ARHGAP10: variants seen among roughly 807,000 people sequenced by gnomAD.
ARHGAP10 encodes the protein Rho GTPase activating protein 10, also known as rho GTPase-activating protein 10.
Under a neutral mutation model 108.6 loss-of-function variants are expected in ARHGAP10, and 87 were observed. That is an observed-to-expected ratio of 0.80 (90% CI 0.67 to 0.96). ARHGAP10 has a LOEUF of 0.96. Among genes scored for constraint, ARHGAP10 ranks in the 40% least tolerant of loss-of-function variants. ARHGAP10 has a pLI of 0.00. For missense variants in ARHGAP10, 939 were observed against 954.5 expected, an observed-to-expected ratio of 0.98 and a Z score of 0.21; for synonymous variants, 347 against 341.1, an observed-to-expected ratio of 1.02 and a Z score of -0.19.
intron 3 of ARHGAP10, among the ~76,000 whole-genome samples, chr4:147,842,036 G>A (rs1733435658): frequency 1.3e-5 from 2 of 152,080 alleles, no homozygotes; most frequent in South Asian, 2.1e-4. Flanking sequence ...GGGTTTGAGC[G>A]ATTCTTCCTG....
intron 1 of ARHGAP10, among the ~76,000 whole-genome samples, chr4:147,805,562 A>G (rs1224496411): frequency 6.6e-6 from 1 of 152,212 alleles, no homozygotes; most frequent in Non-Finnish European, 1.5e-5. Flanking sequence ...GCTTTGGGCA[A>G]TATGGCCATT....
In ARHGAP10 at chr4:147,912,574, T is replaced by G. The variant is rs1213910069; in HGVS notation, c.1163-500T>G. 2.9e-3 allele frequency among the ~76,000 whole-genome samples: 382 copies of G among 130,090 alleles called. 5 individuals carry two copies. The highest frequency in any genetic ancestry group is 6.7e-3 in the East Asian group (30 of 4,476). The allele number at this position is 130,090 out of a possible 152,430, so 85.3% of individuals were successfully genotyped here. ...ATATATATATATATATATATATATA[T>G]ATATATATATATATATATATATATA... On this transcript the variant is annotated intron_variant, in intron 12 of 22. Transcript: ENST00000336498.
chr4:147,877,504 G>A (rs1418717953), intron 8 of ARHGAP10, among the ~76,000 whole-genome samples: 1 of 152,082 alleles, frequency 6.6e-6, no homozygotes, highest in Non-Finnish European at 1.5e-5. Context: ...TGATTTTTAG[G>A]TGTAGAAACT....
At chr4:147,836,344 T>A (rs1185623246) in intron 3 of ARHGAP10, among the ~76,000 whole-genome samples, 1 of 152,204 alleles carries the variant, frequency 6.6e-6, no homozygotes, top group Non-Finnish European at 1.5e-5. Flanking sequence ...TTAATAGGAC[T>A]AGGTTTCAAG....
intron 1 of ARHGAP10, among the ~76,000 whole-genome samples, chr4:147,793,319 TA>T (rs200341059): frequency 0.054 from 2,463 of 45,456 alleles, 21 homozygotes; most frequent in Non-Finnish European, 0.11. Flanking sequence ...TATATATATA[TA>T]TTTTTTTTTT....
chr4:147,880,305 A>G (rs1051776293), intron 9 of ARHGAP10, among the ~76,000 whole-genome samples: 2 of 152,182 alleles, frequency 1.3e-5, no homozygotes, highest in African/African-American at 2.4e-5. Flanking sequence ...GTTCACTTCT[A>G]TTTACTTGTA....
chr4:147,985,131 G>A (rs1416168818), intron 18 of ARHGAP10, among the ~76,000 whole-genome samples: 2 of 152,200 alleles, frequency 1.3e-5, no homozygotes, highest in Non-Finnish European at 2.9e-5. Context: ...TGGGTATGGA[G>A]CAGAGAGGGC....
chr4:147,895,362 A>AT (rs1211785037), intron 10 of ARHGAP10, among the ~76,000 whole-genome samples: 1 of 151,942 alleles, frequency 6.6e-6, no homozygotes, highest in African/African-American at 2.4e-5. Flanking sequence ...GTACACAGTG[A>AT]TTTTATATGT....
At chr4:147,753,770 T>C (rs1376630936) in intron 1 of ARHGAP10, among the ~76,000 whole-genome samples, 2 of 152,220 alleles carry the variant, frequency 1.3e-5, no homozygotes, top group African/African-American at 4.8e-5. Context: ...ACTATTTTCA[T>C]GATGCTCACG....
At chr4:147,771,612 T>C (rs548509976) in intron 1 of ARHGAP10, among the ~76,000 whole-genome samples, 13 of 152,328 alleles carry the variant, frequency 8.5e-5, no homozygotes, top group Admixed American at 5.9e-4. Flanking sequence ...TATATGCATG[T>C]GAGCTTAGTG....
chr4:147,774,887 C>T (rs1215417711), intron 1 of ARHGAP10, among the ~76,000 whole-genome samples: 2 of 151,668 alleles, frequency 1.3e-5, no homozygotes, highest in African/African-American at 4.9e-5. Context: ...TCCTTTGCCA[C>T]AGCCCTTTCC....
chr4:147,876,075 G>C (rs1487747760), intron 8 of ARHGAP10, among the ~76,000 whole-genome samples: 1 of 152,194 alleles, frequency 6.6e-6, no homozygotes, highest in Non-Finnish European at 1.5e-5. Context: ...TGGTAGACAT[G>C]ACTCAGGGAA....
At chr4:147,744,527 A>C (rs959240330) in intron 1 of ARHGAP10, among the ~76,000 whole-genome samples, 1 of 152,048 alleles carries the variant, frequency 6.6e-6, no homozygotes, top group East Asian at 1.9e-4. Flanking sequence ...CAGTTGTGCA[A>C]ATGAATCGGA....
At chr4:147,834,067 T>C (rs1021104256) in intron 3 of ARHGAP10, among the ~76,000 whole-genome samples, 2 of 152,224 alleles carry the variant, frequency 1.3e-5, no homozygotes, top group African/African-American at 4.8e-5. Flanking sequence ...AAGGAATTTG[T>C]TTCTTACAGT....
chr4:148,013,328 C>T lies in ARHGAP10; in HGVS notation c.1717-9935C>T, dbSNP rs564484736. ...GATTCTGATAAATACATATACCTGC[C>T]TTCAGGGGATGTGTTCTTCATTGTG... On this transcript the variant is annotated intron_variant, in intron 18 of 22. Coordinates refer to ENST00000336498, the MANE Select transcript of ARHGAP10 (RefSeq NM_024605.4). Among the ~76,000 whole-genome samples the T allele has an allele frequency of 1.4e-4, 22 of 152,272 alleles. No individual in the cohort carries two copies. In the South Asian group the frequency reaches 3.5e-3, roughly 24 times the overall value.
chr4:147,816,779 C>T (rs917517325), intron 1 of ARHGAP10, among the ~76,000 whole-genome samples: 24 of 152,132 alleles, frequency 1.6e-4, no homozygotes, highest in Admixed American at 3.9e-4. Flanking sequence ...AACAGGAAAA[C>T]GTGAAGGAAA....
chr4:148,024,581 C>T (rs1741694447), intron 19 of ARHGAP10, among the ~76,000 whole-genome samples: 1 of 152,180 alleles, frequency 6.6e-6, no homozygotes, highest in African/African-American at 2.4e-5. Context: ...TTTTATATTG[C>T]TTAAGACGTA....
At chr4:147,904,153 G>A (rs1327936833) in intron 10 of ARHGAP10, among the ~76,000 whole-genome samples, 1 of 152,140 alleles carries the variant, frequency 6.6e-6, no homozygotes, top group Non-Finnish European at 1.5e-5. Flanking sequence ...GGCTGTTCTA[G>A]TGAGTGTGTT....
chr4:147,832,586 A>C (rs1485520879), intron 3 of ARHGAP10, among the ~76,000 whole-genome samples: 1 of 134,704 alleles, frequency 7.4e-6, no homozygotes, highest in South Asian at 2.5e-4. Flanking sequence ...GGCGGAGGTT[A>C]CAATGAGCTG....
Sources: gnomAD v4.1 joint callset for allele counts (sites outside exome capture counted in the v4.1 genomes callset) on GRCh38, gnomAD v4.1.1 for gene constraint, MANE v1.5 for transcripts, NCBI Gene and HGNC (gene_info 2026-07-23, HGNC 2026-07-21) for gene names.